USP47: variants seen among roughly 807,000 people sequenced by gnomAD.
USP47 encodes the protein ubiquitin carboxyl-terminal hydrolase 47.
Under a neutral mutation model 165.1 loss-of-function variants are expected in USP47, and 35 were observed. The ratio of observed to expected loss-of-function variants is 0.21; its 90% confidence interval spans 0.16 to 0.28. USP47 has a LOEUF of 0.28. Among genes scored for constraint, USP47 ranks in the 10% least tolerant of loss-of-function variants. USP47 has a pLI of 1.00. For synonymous variants in USP47, 531 were observed against 544.5 expected, an observed-to-expected ratio of 0.98 and a Z score of 0.35; for missense variants, 1,277 against 1,607.4, an observed-to-expected ratio of 0.79 and a Z score of 3.52.
Position 11,942,406 on chromosome 11 carries a change from G to A in USP47, c.2385G>A (p.Leu795=). 1.9e-6 allele frequency: 3 copies of A among 1,613,372 alleles called. No homozygotes were observed. The highest frequency in any genetic ancestry group is 2.5e-6 in the Non-Finnish European group (3 of 1,179,616). ...AFADSHLWKL[L]DRHANTIRLF... ...CAGACTCTCATTTATGGAAACTCCT[G>A]GATCGGCATGCAAATACAATCAGAT... Residue 795 remains leucine (L), a synonymous_variant, in exon 20 of 28, where the codon CTG becomes CTA. Transcript: ENST00000527733.
intron 1 of USP47, among the ~76,000 whole-genome samples, chr11:11,843,597 A>G (rs7926410): frequency 0.78 from 119,430 of 152,170 alleles, 47,624 homozygotes; most frequent in African/African-American, 0.93. Flanking sequence ...TGTGTATTTC[A>G]TTTTAGAGCT....
chr11:11,908,275 T>C (rs11022081), intron 8 of USP47, among the ~76,000 whole-genome samples: 10 of 152,146 alleles, frequency 6.6e-5, no homozygotes, highest in East Asian at 1.9e-4. Context: ...TTTCTTTTTT[T>C]TCTCTCTCTC....
At chr11:11,902,429 G>T (rs1053087061) in intron 5 of USP47, among the ~76,000 whole-genome samples, 1 of 152,082 alleles carries the variant, frequency 6.6e-6, no homozygotes, top group Non-Finnish European at 1.5e-5. Flanking sequence ...CAGAGGTTAT[G>T]GTCAGATTCA....
At chr11:11,912,848 G>A (rs938628794) in intron 8 of USP47, among the ~76,000 whole-genome samples, 2 of 151,992 alleles carry the variant, frequency 1.3e-5, no homozygotes, top group Admixed American at 6.6e-5. Flanking sequence ...TTCAAGACTG[G>A]TCAGTATTTT....
intron 8 of USP47, among the ~76,000 whole-genome samples, chr11:11,917,341 A>G (rs1292511430): frequency 1.3e-5 from 2 of 152,188 alleles, no homozygotes; most frequent in Non-Finnish European, 2.9e-5. Context: ...TATTATATCC[A>G]TGAGCCATTG....
At chr11:11,871,905 T>G (rs1224114144) in intron 1 of USP47, among the ~76,000 whole-genome samples, 1 of 152,194 alleles carries the variant, frequency 6.6e-6, no homozygotes, top group East Asian at 1.9e-4. Context: ...GTTCAGTGTT[T>G]GAAAATCATT....
intron 1 of USP47, among the ~76,000 whole-genome samples, chr11:11,842,868 G>A (rs1273842312): frequency 1.3e-5 from 2 of 149,060 alleles, no homozygotes; most frequent in Non-Finnish European, 3.0e-5. Context: ...TTTGAGGTTG[G>A]GTTGTGTATG....
intron 13 of USP47, 105 bp downstream of exon 13, chr11:11,930,225 C>A (rs968481245): frequency 9.6e-6 from 10 of 1,038,956 alleles, no homozygotes; most frequent in South Asian, 1.5e-5. Context: ...GGAACTACAA[C>A]CCATGAGCCA....
intron 8 of USP47, among the ~76,000 whole-genome samples, chr11:11,911,765 C>A (rs566395244): frequency 6.6e-5 from 10 of 152,204 alleles, no homozygotes; most frequent in Admixed American, 6.6e-4. Flanking sequence ...ATCTAATGAA[C>A]ATTGCTAAAG....
intron 1 of USP47, among the ~76,000 whole-genome samples, chr11:11,865,757 G>A (rs745625958): frequency 1.3e-4 from 19 of 151,906 alleles, no homozygotes; most frequent in Non-Finnish European, 2.2e-4. Context: ...TGTGGTTTCT[G>A]ATTTGCATTT....
chr11:11,903,478 A>C, intron 7 of USP47, 136 bp downstream of exon 7: 1 of 742,626 alleles, frequency 1.3e-6, no homozygotes, highest in South Asian at 2.5e-5. Flanking sequence ...GGAAATTGAA[A>C]GTACTGAGTT....
intron 10 of USP47, 28 bp downstream of exon 10, chr11:11,920,522 T>C (rs745324918): frequency 9.5e-6 from 15 of 1,580,276 alleles, no homozygotes; most frequent in African/African-American, 1.4e-5. Flanking sequence ...TAAAGTATTT[T>C]TCATTAATCC....
chr11:11,888,275 G>A (rs1352731576), intron 3 of USP47, among the ~76,000 whole-genome samples: 1 of 152,010 alleles, frequency 6.6e-6, no homozygotes, highest in African/African-American at 2.4e-5. Context: ...AACAAATCCA[G>A]GAGTTGGTTT....
At chr11:11,861,928 A>C (rs1331491567) in intron 1 of USP47, among the ~76,000 whole-genome samples, 1 of 152,186 alleles carries the variant, frequency 6.6e-6, no homozygotes, top group Non-Finnish European at 1.5e-5. Context: ...CATGTGCTAA[A>C]ACAAATTATC....
intron 1 of USP47, among the ~76,000 whole-genome samples, chr11:11,842,524 T>A (rs1363377853): frequency 1.3e-5 from 2 of 152,180 alleles, no homozygotes; most frequent in Non-Finnish European, 2.9e-5. Context: ...AAGTTCTTGT[T>A]TAACGTGTGG....
intron 20 of USP47, chr11:11,943,769 G>C (rs1590439115): frequency 6.6e-6 from 1 of 152,108 alleles, no homozygotes; most frequent in South Asian, 2.1e-4. Context: ...CTTAGACTGA[G>C]GCCAGCCAAA....
intron 19 of USP47, 52 bp downstream of exon 19, chr11:11,940,600 A>G (rs774941655): frequency 6.3e-7 from 1 of 1,580,066 alleles, no homozygotes; most frequent in Non-Finnish European, 8.7e-7. Context: ...GTAGTAAATG[A>G]AATTAGGTTC....
At chr11:11,910,698 G>A (rs1262016672) in intron 8 of USP47, among the ~76,000 whole-genome samples, 3 of 152,076 alleles carry the variant, frequency 2.0e-5, no homozygotes, top group Non-Finnish European at 4.4e-5. Flanking sequence ...CCATTCAGAT[G>A]TCCACATAGG....
chr11:11,881,097 G>A (rs184157996), intron 2 of USP47, among the ~76,000 whole-genome samples: 1 of 152,062 alleles, frequency 6.6e-6, no homozygotes, highest in East Asian at 1.9e-4. Flanking sequence ...AATATTTAGT[G>A]ATTTTTATTT....
Sources: gnomAD v4.1 joint callset for allele counts (sites outside exome capture counted in the v4.1 genomes callset) on GRCh38, gnomAD v4.1.1 for gene constraint, MANE v1.5 for transcripts, NCBI Gene and HGNC (gene_info 2026-07-23, HGNC 2026-07-21) for gene names.